Variants in MAP2K5 observed in about 807,000 individuals in gnomAD.
MAP2K5 encodes dual specificity mitogen-activated protein kinase kinase 5.
MAP2K5 carries 49 observed loss-of-function variants against 83.1 expected under a neutral mutation model. That is an observed-to-expected ratio of 0.59 (90% CI 0.47 to 0.75). The LOEUF is 0.75. MAP2K5 is among the 30% of genes least tolerant of loss of function. MAP2K5 has a pLI of 0.00. For synonymous variants in MAP2K5, 202 were observed against 191.8 expected (o/e 1.05, Z -0.44); for missense variants, 457 against 557.5 (o/e 0.82, Z 1.82).
intron 1 of MAP2K5, chr15:67,549,343 T>G (rs111785487): frequency 9.6e-6 from 7 of 729,536 alleles, no homozygotes; most frequent in African/African-American, 1.8e-5. Context: ...CTAGATTAAC[T>G]TTATTTCGGT....
At chr15:67,578,926 A>T (rs2085121089) in intron 3 of MAP2K5, among the ~76,000 whole-genome samples, 1 of 152,198 alleles carries the variant, frequency 6.6e-6, no homozygotes, top group Non-Finnish European at 1.5e-5. Flanking sequence ...CTCTATAATT[A>T]ACTTGTTAGA....
intron 8 of MAP2K5, among the ~76,000 whole-genome samples, chr15:67,602,435 A>G (rs11854639): frequency 2.0e-5 from 3 of 152,166 alleles, no homozygotes; most frequent in African/African-American, 7.2e-5. Context: ...CTTCAAATGG[A>G]ATTTAAAAAT....
At position 67,738,267 on chromosome 15, in the gene MAP2K5, G is replaced by A. The variant is rs1226276200; in HGVS notation, c.1075-9964G>A. Among the ~76,000 whole-genome samples, 1 of 152,230 alleles carries A rather than the reference G, an allele frequency of 6.6e-6. No individual in the cohort carries two copies. The highest frequency in any genetic ancestry group is 1.9e-4 in the East Asian group (1 of 5,198). On this transcript the variant is annotated intron_variant, in intron 17 of 21. Transcript: ENST00000178640. The surrounding 1 kb of genome is among the most constrained non-coding windows in gnomAD (Gnocchi z 4.1). ...TCTGTTCAGAAACAAGTTGCAGAGAGCACTCTTCTGGGCATAAGGCATGAG... is the reference window on the plus strand; with the variant it reads ...TCTGTTCAGAAACAAGTTGCAGAGAACACTCTTCTGGGCATAAGGCATGAG...
rs575183522 is a variant in MAP2K5, at chr15:67,699,849, A to G, written c.973-3488A>G. On this transcript the variant is annotated intron_variant, in intron 15 of 21. Transcript: ENST00000178640. The stretch of plus-strand genomic sequence containing the variant: ...TTTAAAACTCACTGTATTTGACAGC[A>G]TATTGGACACAGCAGAAGAGAGAAT... 7.2e-5 allele frequency among the ~76,000 whole-genome samples: 11 copies of G among 152,302 alleles called. No individual in the cohort carries two copies. In the South Asian group the frequency reaches 1.9e-3, roughly 26 times the overall value.
At chr15:67,726,772 T>C (rs955247560) in intron 16 of MAP2K5, among the ~76,000 whole-genome samples, 1 of 152,248 alleles carries the variant, frequency 6.6e-6, no homozygotes, top group Non-Finnish European at 1.5e-5. Context: ...TTAAAGTCCC[T>C]GATGTTGCGA....
chr15:67,762,602 A>C (rs2089970850), intron 19 of MAP2K5, among the ~76,000 whole-genome samples: 1 of 151,560 alleles, frequency 6.6e-6, no homozygotes, highest in Admixed American at 6.6e-5. Flanking sequence ...TAAATGAAGA[A>C]TCCATTTTGA....
chr15:67,545,184 T>C (rs540068832), intron 1 of MAP2K5, among the ~76,000 whole-genome samples: 33 of 152,342 alleles, frequency 2.2e-4, no homozygotes, highest in Admixed American at 1.3e-3. Context: ...GTGTCATTCT[T>C]GGTTATGTGC....
intron 17 of MAP2K5, among the ~76,000 whole-genome samples, chr15:67,730,793 T>C (rs1448009232): frequency 6.6e-6 from 1 of 152,176 alleles, no homozygotes; most frequent in Non-Finnish European, 1.5e-5. Context: ...ACCTGAGTTG[T>C]CTTCACTAGT....
Position 67,628,218 on chromosome 15 carries a change from A to T in MAP2K5, c.546-2670A>T, listed in dbSNP as rs2086372697. ...TACTGAAGGCTGGGTGCAGTGGCCC[A>T]TGCCTGTAATCCCAACACTTTGGGA... On this transcript the variant is annotated intron_variant, in intron 8 of 21. Transcript: ENST00000178640. The T allele has an allele frequency of 3.2e-5, 23 of 708,988 alleles. 1 individual carries two copies. In the East Asian group the frequency reaches 6.6e-4, roughly 20 times the overall value. 43.9% of individuals were successfully genotyped at this position (708,988 alleles called of 1,614,324 possible). A position where few individuals can be genotyped will look rare whatever the true frequency, so the allele number is the denominator to read the frequency against.
intron 9 of MAP2K5, chr15:67,642,507 A>G (rs922334639): frequency 2.9e-6 from 4 of 1,394,224 alleles, no homozygotes; most frequent in Non-Finnish European, 4.1e-6. Flanking sequence ...GGTGAGCTTC[A>G]TGGAGACAAT....
chr15:67,631,266 A>G (rs1230269339), intron 9 of MAP2K5, among the ~76,000 whole-genome samples: 1 of 152,198 alleles, frequency 6.6e-6, no homozygotes, highest in Non-Finnish European at 1.5e-5. Flanking sequence ...AATATGCCAC[A>G]TCCTGTGAAT....
rs577359168 is a variant in MAP2K5 at position 67,782,906 on chromosome 15, C to T, written c.1242+10154C>T. 1.4e-4 allele frequency among the ~76,000 whole-genome samples: 22 copies of T among 152,358 alleles called. No homozygotes were observed. Among genetic ancestry groups the T allele is most frequent in the African/African-American group, 4.8e-4 (20 of 41,580 alleles). The stretch of plus-strand genomic sequence containing the variant: ...GCTGTCTCCTTCCTGCCTTCAGAAA[C>T]GGCCCCCTTTTCAGCTCTCCTGTGC... On this transcript the variant is annotated intron_variant, in intron 21 of 21. Transcript: ENST00000178640. This position sits in a 1 kb window ranked among gnomAD's most constrained non-coding sequence, Gnocchi z 4.9.
chr15:67,580,918 T>A, intron 4 of MAP2K5, 95 bp downstream of exon 4: 7 of 819,102 alleles, frequency 8.5e-6, no homozygotes, highest in Non-Finnish European at 2.1e-6. Flanking sequence ...CATAACATGA[T>A]GTTTAGCTCT....
At chr15:67,630,660 A>G (rs191118838) in intron 8 of MAP2K5, among the ~76,000 whole-genome samples, 2 of 152,376 alleles carry the variant, frequency 1.3e-5, no homozygotes, top group Admixed American at 6.5e-5. Flanking sequence ...AAGGAGGATA[A>G]TAATGTATCA....
intron 19 of MAP2K5, among the ~76,000 whole-genome samples, chr15:67,752,215 G>A (rs1432003596): frequency 2.0e-5 from 3 of 151,830 alleles, no homozygotes; most frequent in Non-Finnish European, 2.9e-5. Context: ...ACAGGCACAC[G>A]CCACCACACC....
intron 12 of MAP2K5, 71 bp downstream of exon 12, chr15:67,658,685 A>G: frequency 3.1e-6 from 4 of 1,283,714 alleles, no homozygotes; most frequent in Non-Finnish European, 3.4e-6. Flanking sequence ...TTCTTCTTAT[A>G]TTCTCAATGT....
chr15:67,574,215 A>G (rs977832584), intron 3 of MAP2K5, among the ~76,000 whole-genome samples: 1 of 152,186 alleles, frequency 6.6e-6, no homozygotes, highest in Non-Finnish European at 1.5e-5. Flanking sequence ...GTGAAAGACA[A>G]TGGTGGTCAC....
Position 67,800,313 on chromosome 15 carries a change from T to G in MAP2K5, c.1243-6333T>G, listed in dbSNP as rs928694393. Among the ~76,000 whole-genome samples, 4 of 149,824 alleles carry G rather than the reference T, an allele frequency of 2.7e-5. No individual in the cohort carries two copies. The East Asian group carries it at 5.8e-4, about 22-fold the overall frequency. On this transcript the variant is annotated intron_variant, in intron 21 of 21. Coordinates refer to ENST00000178640, the MANE Select transcript of MAP2K5 (RefSeq NM_145160.3). ...CTTCAATATTAATGTAGAAGTGGGG[T>G]TTTTTTTTAGCATGAATGTATTAGT...
intron 12 of MAP2K5, among the ~76,000 whole-genome samples, chr15:67,664,085 A>C (rs1246021645): frequency 6.6e-6 from 1 of 152,086 alleles, no homozygotes; most frequent in East Asian, 1.9e-4. Context: ...TATCTTCAGA[A>C]GATTATAAGC....
Sources: gnomAD v4.1 joint callset for allele counts (sites outside exome capture counted in the v4.1 genomes callset) on GRCh38, gnomAD v4.1.1 for gene constraint, Gnocchi (gnomAD v3.1) non-coding constraint, MANE v1.5 for transcripts, NCBI Gene and HGNC (gene_info 2026-07-23, HGNC 2026-07-21) for gene names.